PIWIL2: variants seen among roughly 807,000 people sequenced by gnomAD.
PIWIL2 encodes piwi like RNA-mediated gene silencing 2, also known as piwi-like protein 2.
In PIWIL2, 81 loss-of-function variants were observed where a neutral mutation model predicts 116.5. The ratio of observed to expected loss-of-function variants is 0.70; its 90% confidence interval spans 0.58 to 0.84. The LOEUF is 0.84. Among genes scored for constraint, PIWIL2 ranks in the 40% least tolerant of loss-of-function variants. PIWIL2 has a pLI of 0.00. For synonymous variants in PIWIL2, 489 were observed against 429.5 expected (o/e 1.14, Z -1.71); for missense variants, 1,272 against 1,212.3 (o/e 1.05, Z -0.73).
chr8:22,293,359 G>A (rs1379807501), intron 10 of PIWIL2, among the ~76,000 whole-genome samples: 1 of 151,918 alleles, frequency 6.6e-6, no homozygotes. Flanking sequence ...TCTTTTTTGA[G>A]ATGGAGTTTC....
intron 19 of PIWIL2, among the ~76,000 whole-genome samples, chr8:22,316,801 CTT>C (rs751733725): frequency 6.9e-6 from 1 of 145,044 alleles, no homozygotes; most frequent in Non-Finnish European, 1.5e-5. Context: ...GTTTATGCAA[CTT>C]TTTTTTTTTT....
intron 1 of PIWIL2, among the ~76,000 whole-genome samples, chr8:22,277,030 TATA>T (rs770640149): frequency 8.3e-6 from 1 of 120,774 alleles, no homozygotes; most frequent in African/African-American, 3.1e-5. Context: ...TATATATATA[TATA>T]TTTTTTTTTT....
At chr8:22,308,635 AGAGG>A (rs1472696898) in intron 14 of PIWIL2, among the ~76,000 whole-genome samples, 2 of 152,170 alleles carry the variant, frequency 1.3e-5, no homozygotes, top group African/African-American at 4.8e-5. Flanking sequence ...CCTGGGAGAC[AGAGG>A]GAGAATCCAT....
rs67357452 is a variant in PIWIL2 at position 22,296,020 on chromosome 8, C to CTTTTT, written c.1181+5708_1181+5712dup. On this transcript the variant is annotated intron_variant, in intron 10 of 22. Transcript: ENST00000356766. Reference sequence around the variant, plus strand: ...ACTGTCTTGGGGTTCCTCTTCCCTTCTTTTTTTTTTTTTTTTTTTTTTTTT... The same window carrying CTTTTT: ...ACTGTCTTGGGGTTCCTCTTCCCTTCTTTTTTTTTTTTTTTTTTTTTTTTTTTTTT... 6.1e-4 allele frequency among the ~76,000 whole-genome samples: 63 copies of CTTTTT among 102,810 alleles called. 1 individual carries two copies. Among genetic ancestry groups the CTTTTT allele is most frequent in the Middle Eastern group, 5.0e-3 (1 of 202 alleles). 67.4% of individuals were successfully genotyped at this position (102,810 alleles called of 152,430 possible). A position where few individuals can be genotyped will look rare whatever the true frequency, so the allele number is the denominator to read the frequency against.
intron 7 of PIWIL2, 39 bp downstream of exon 7, chr8:22,287,684 A>G: frequency 7.9e-7 from 1 of 1,261,436 alleles, no homozygotes. Context: ...GATGAACCCT[A>G]AGAGTGCTCT....
At position 22,312,265 on chromosome 8, in the gene PIWIL2, CAA is replaced by C. The variant is rs56133501; in HGVS notation, c.1989+981_1989+982del. On this transcript the variant is annotated intron_variant, in intron 16 of 22. Transcript: ENST00000356766. ...GGGCAACAGAGTGAGACCTTTTCTC[CAA>C]AAAAAAAAAAAAAAATGAGATAGGA... Among the ~76,000 whole-genome samples the C allele has an allele frequency of 2.4e-3, 310 of 130,032 alleles. 1 individual carries two copies. Among genetic ancestry groups the C allele is most frequent in the East Asian group, 6.2e-3 (29 of 4,646 alleles). 85.3% of individuals were successfully genotyped at this position (130,032 alleles called of 152,430 possible).
At position 22,318,602 on chromosome 8, in the gene PIWIL2, G is replaced by A. The variant is rs1831523329; in HGVS notation, c.2403+327G>A. ...CAAAGTGTTGGGATTACAGCTGTGA[G>A]CCACCGCGCCTGGCCAAGTTTCTGG... On this transcript the variant is annotated intron_variant, in intron 20 of 22. Transcript: ENST00000356766. Among the ~76,000 whole-genome samples, 4 of 152,206 alleles carry A rather than the reference G, an allele frequency of 2.6e-5. No homozygotes were observed. In the South Asian group the frequency reaches 8.3e-4, roughly 31 times the overall value.
intron 6 of PIWIL2, among the ~76,000 whole-genome samples, chr8:22,286,769 A>G (rs1158821713): frequency 6.6e-6 from 1 of 151,910 alleles, no homozygotes; most frequent in African/African-American, 2.4e-5. Flanking sequence ...TTACAACCAC[A>G]TGCCACCACA....
intron 12 of PIWIL2, 54 bp downstream of exon 12, chr8:22,304,922 C>G (rs2132031767): frequency 8.4e-7 from 1 of 1,193,952 alleles, no homozygotes; most frequent in Middle Eastern, 1.9e-4. Flanking sequence ...ATCCTGTCAG[C>G]TGCTTTTAGC....
intron 4 of PIWIL2, among the ~76,000 whole-genome samples, chr8:22,282,244 CTTTTTTTTTTTTT>C (rs34130038): frequency 8.9e-5 from 3 of 33,570 alleles, no homozygotes; most frequent in African/African-American, 3.4e-4. Flanking sequence ...CCACACCCGG[CTTTTTTTTTTTTT>C]TTTTTTTTTT....
intron 6 of PIWIL2, 124 bp from the exon 7 acceptor site, chr8:22,287,404 A>C (rs1830653197): frequency 1.4e-6 from 1 of 722,626 alleles, no homozygotes; most frequent in South Asian, 1.5e-5. Context: ...AGGCAGATAG[A>C]TAATTTTTAA....
intron 20 of PIWIL2, among the ~76,000 whole-genome samples, chr8:22,335,071 A>AG (rs1831949341): frequency 7.3e-6 from 1 of 136,290 alleles, no homozygotes; most frequent in Middle Eastern, 3.7e-3. Flanking sequence ...AAAAAAAAAA[A>AG]AGTCAATTTT....
rs1830552906 is a variant in PIWIL2 at position 22,283,195 on chromosome 8, A to T, written c.587A>T (p.His196Leu). 1 of 1,613,852 alleles carries T rather than the reference A, an allele frequency of 6.2e-7. No individual in the cohort carries two copies. Among genetic ancestry groups the T allele is most frequent in the Middle Eastern group, 1.7e-4 (1 of 6,054 alleles). The change falls in exon 5 of 23, where the codon CAC (histidine) becomes CTC (leucine). Residue 196 changes from histidine to leucine, a missense_variant. His to Leu is a moderately conservative substitution (Grantham distance 99). Transcript: ENST00000356766. ...CCAGCTCTGCCCCAGTCTCCCCTGC[A>T]CTCTCCAGATCGCCCTCTGGTCCTG... ...SPPALPQSPL[H>L]SPDRPLVLTV...
At chr8:22,293,618 C>G (rs1830817381) in intron 10 of PIWIL2, among the ~76,000 whole-genome samples, 1 of 152,158 alleles carries the variant, frequency 6.6e-6, no homozygotes, top group South Asian at 2.1e-4. Context: ...AACCACCACG[C>G]CAGGCCTATT....
At chr8:22,276,230 A>G (rs899594763) in intron 1 of PIWIL2, among the ~76,000 whole-genome samples, 2 of 152,224 alleles carry the variant, frequency 1.3e-5, no homozygotes, top group African/African-American at 2.4e-5. Context: ...GTCTGCACTT[A>G]CGCTGTGGGT....
intron 20 of PIWIL2, among the ~76,000 whole-genome samples, chr8:22,326,475 C>T (rs1831727426): frequency 6.6e-6 from 1 of 152,066 alleles, no homozygotes; most frequent in South Asian, 2.1e-4. Flanking sequence ...ATAAAAACAC[C>T]CCATGCCCAT....
chr8:22,307,634 C>T (rs1286519454), intron 13 of PIWIL2, among the ~76,000 whole-genome samples: 1 of 151,956 alleles, frequency 6.6e-6, no homozygotes, highest in African/African-American at 2.4e-5. Context: ...AGGGCACGCA[C>T]CACCATACCT....
intron 2 of PIWIL2, 113 bp downstream of exon 2, chr8:22,279,697 A>T: frequency 1.0e-6 from 1 of 982,628 alleles, no homozygotes; most frequent in Non-Finnish European, 1.5e-6. Context: ...TCACGCCTGT[A>T]ATCCCAGCAC....
chr8:22,329,970 G>A (rs559833292), intron 20 of PIWIL2, among the ~76,000 whole-genome samples: 4 of 152,222 alleles, frequency 2.6e-5, no homozygotes, highest in South Asian at 2.1e-4. Flanking sequence ...GGATGTGTCC[G>A]TTAATGTTTT....
Sources: gnomAD v4.1 joint callset for allele counts (sites outside exome capture counted in the v4.1 genomes callset) on GRCh38, gnomAD v4.1.1 for gene constraint, MANE v1.5 for transcripts, NCBI Gene and HGNC (gene_info 2026-07-23, HGNC 2026-07-21) for gene names.